Variants in LIPH observed in about 807,000 individuals in gnomAD.
LIPH encodes lipase member H.
LIPH carries 32 observed loss-of-function variants against 47.6 expected under a neutral mutation model. The observed-to-expected ratio is 0.67, with a 90% CI of 0.51 to 0.90. The LOEUF (loss-of-function observed/expected upper bound fraction) is 0.90. LIPH is among the 40% of genes least tolerant of loss of function. LIPH has a pLI of 0.00. For synonymous variants in LIPH, 190 were observed against 195.6 expected (o/e 0.97, Z 0.24); for missense variants, 497 against 541.4 (o/e 0.92, Z 0.81).
intron 1 of LIPH, among the ~76,000 whole-genome samples, chr3:185,548,740 A>G (rs972057690): frequency 6.9e-6 from 1 of 144,634 alleles, no homozygotes; most frequent in Non-Finnish European, 1.5e-5. Flanking sequence ...GAAACAAAAC[A>G]AAACAAAAAC....
intron 7 of LIPH, among the ~76,000 whole-genome samples, chr3:185,516,298 T>A (rs1337417200): frequency 6.7e-6 from 1 of 149,590 alleles, no homozygotes; most frequent in East Asian, 1.9e-4. Flanking sequence ...CCAGGCATGG[T>A]GATGCACACC....
chr3:185,533,506 C>T, intron 3 of LIPH, 65 bp downstream of exon 3: 3 of 1,052,576 alleles, frequency 2.9e-6, no homozygotes, highest in Non-Finnish European at 3.0e-6. Context: ...GATTGGCCTA[C>T]ATAATACTCC....
At chr3:185,530,448 A>AGCCTGG (rs1283035729) in intron 3 of LIPH, among the ~76,000 whole-genome samples, 2 of 152,246 alleles carry the variant, frequency 1.3e-5, no homozygotes, top group African/African-American at 4.8e-5. Flanking sequence ...ACTGTACTCC[A>AGCCTGG]GCCTGGGCGA....
chr3:185,529,522 C>A (rs1318380932), intron 3 of LIPH, among the ~76,000 whole-genome samples: 4 of 149,622 alleles, frequency 2.7e-5, no homozygotes, highest in African/African-American at 7.4e-5. Flanking sequence ...AAGCAGTCCT[C>A]CCGCCTCAGT....
At position 185,519,333 on chromosome 3, in the gene LIPH, AAG is replaced by A. The variant is rs770195875; in HGVS notation, c.719-26_719-25del. On this transcript the variant is annotated intron_variant, in intron 5 of 9. Transcript: ENST00000296252. ...TCCTTGGTTGTAAAAGAAGTGATGA[AAG>A]AGTAGAGCGGTTGAAGCATTTAGTA... 7 of 1,561,868 alleles carry A rather than the reference AAG, an allele frequency of 4.5e-6. No homozygotes were observed. In the African/African-American group the frequency reaches 9.5e-5, roughly 21 times the overall value.
intron 9 of LIPH, among the ~76,000 whole-genome samples, chr3:185,510,733 TAAA>T (rs1719536250): frequency 1.3e-5 from 2 of 152,160 alleles, no homozygotes; most frequent in Non-Finnish European, 2.9e-5. Context: ...TTTTTTCTAC[TAAA>T]AATACAAAAT....
At chr3:185,517,920 C>T (rs577507046) in intron 6 of LIPH, among the ~76,000 whole-genome samples, 46 of 152,268 alleles carry the variant, frequency 3.0e-4, no homozygotes, top group African/African-American at 9.1e-4. Flanking sequence ...TAATCCCTAG[C>T]GAATATCCAA....
Position 185,552,550 on chromosome 3 carries a change from T to G in LIPH, c.-79A>C. ...AGGCTTAAGAGTTTCCACTGTGGGA[T>G]TTTGCTCACAGTGAGCTCAGACGAC... On this transcript the variant is annotated 5_prime_UTR_variant, in exon 1 of 10. Coordinates refer to ENST00000296252, the MANE Select transcript of LIPH (RefSeq NM_139248.3). 135 of 1,060,554 alleles carry G rather than the reference T, an allele frequency of 1.3e-4. No homozygotes were observed. Among genetic ancestry groups the G allele is most frequent in the Non-Finnish European group, 1.8e-4 (124 of 677,376 alleles). 65.7% of individuals were successfully genotyped at this position (1,060,554 alleles called of 1,614,324 possible).
chr3:185,525,999 A>G (rs1000765087), intron 4 of LIPH, among the ~76,000 whole-genome samples: 5 of 152,110 alleles, frequency 3.3e-5, no homozygotes, highest in Admixed American at 3.3e-4. Context: ...CTTCTCCCAG[A>G]CATCTGGATA....
rs59353669 is a variant in LIPH at position 185,522,650 on chromosome 3, A to AAAAGAAAG, written c.718+1413_718+1420dup. Among the ~76,000 whole-genome samples, 795 of 141,978 alleles carry AAAAGAAAG rather than the reference A, an allele frequency of 5.6e-3. 13 individuals are homozygous for AAAAGAAAG. Among genetic ancestry groups the AAAAGAAAG allele is most frequent in the African/African-American group, 0.019 (748 of 38,872 alleles). 93.1% of individuals were successfully genotyped at this position (141,978 alleles called of 152,430 possible). On this transcript the variant is annotated intron_variant, in intron 5 of 9. Coordinates refer to ENST00000296252, the MANE Select transcript of LIPH (RefSeq NM_139248.3). ...AAGAAGGAAAAGAAAGAGAGAAAGA[A>AAAAGAAAG]AAAGAAAGAAAGAAAGAAAGAAAGA...
In LIPH at chr3:185,508,088, C is replaced by G. The variant is rs1048231289; in HGVS notation, c.*702G>C. On this transcript the variant is annotated 3_prime_UTR_variant, in exon 10 of 10. Transcript: ENST00000296252. ...AGCTGTCAGTCCATCCCCATCTCCTCCAGCTCCTCCATGCTCCAACAGCAC... is the reference window on the plus strand; with the variant it reads ...AGCTGTCAGTCCATCCCCATCTCCTGCAGCTCCTCCATGCTCCAACAGCAC... 6.5e-6 allele frequency: 1 copy of G among 152,922 alleles called. No homozygotes were observed. The highest frequency in any genetic ancestry group is 1.5e-5 in the Non-Finnish European group (1 of 68,554). 9.5% of individuals were successfully genotyped at this position (152,922 alleles called of 1,614,324 possible).
intron 1 of LIPH, among the ~76,000 whole-genome samples, chr3:185,545,213 T>C (rs1040210871): frequency 6.6e-6 from 1 of 152,230 alleles, no homozygotes; most frequent in Non-Finnish European, 1.5e-5. Flanking sequence ...CATTTCCTGT[T>C]GACAGTTGGA....
intron 6 of LIPH, among the ~76,000 whole-genome samples, chr3:185,517,839 T>A (rs561710869): frequency 9.1e-4 from 138 of 152,166 alleles, no homozygotes; most frequent in Non-Finnish European, 1.7e-3. Context: ...GGATTTTTCC[T>A]TTTGGAAAAA....
chr3:185,522,406 G>A (rs1311533118), intron 5 of LIPH, among the ~76,000 whole-genome samples: 1 of 151,592 alleles, frequency 6.6e-6, no homozygotes, highest in Non-Finnish European at 1.5e-5. Context: ...CACTTTGGGA[G>A]GCCAAGGCAG....
intron 3 of LIPH, among the ~76,000 whole-genome samples, chr3:185,532,556 G>A (rs891382707): frequency 1.3e-5 from 2 of 152,042 alleles, no homozygotes; most frequent in African/African-American, 4.8e-5. Context: ...TTGGGAGGCC[G>A]AGATGGGTGG....
intron 1 of LIPH, among the ~76,000 whole-genome samples, chr3:185,539,218 C>A (rs552504158): frequency 3.3e-5 from 5 of 151,956 alleles, no homozygotes; most frequent in Non-Finnish European, 7.4e-5. Flanking sequence ...CCTCCCACCT[C>A]AGCCTCCCAA....
chr3:185,515,166 C>T (rs1719687550), intron 7 of LIPH, among the ~76,000 whole-genome samples: 1 of 152,014 alleles, frequency 6.6e-6, no homozygotes, highest in Non-Finnish European at 1.5e-5. Context: ...GCACACTTTC[C>T]TGTATTTACA....
At chr3:185,519,337 G>C (rs368250908) in intron 5 of LIPH, 28 bp from the exon 6 acceptor site, 1 of 1,535,312 alleles carries the variant, frequency 6.5e-7, no homozygotes, top group African/African-American at 1.4e-5. Flanking sequence ...TGATGAAAGA[G>C]TAGAGCGGTT....
chr3:185,543,009 G>A (rs1243220700), intron 1 of LIPH, among the ~76,000 whole-genome samples: 1 of 152,070 alleles, frequency 6.6e-6, no homozygotes, highest in African/African-American at 2.4e-5. Flanking sequence ...AGGAGTTCGA[G>A]ACCAGCCTGG....
Sources: gnomAD v4.1 joint callset for allele counts (sites outside exome capture counted in the v4.1 genomes callset) on GRCh38, gnomAD v4.1.1 for gene constraint, MANE v1.5 for transcripts, NCBI Gene and HGNC (gene_info 2026-07-23, HGNC 2026-07-21) for gene names.